The following IFT88 variants were observed in gnomAD, a reference collection of about 807,000 sequenced individuals.
IFT88 encodes the protein intraflagellar transport protein 88 homolog.
Under a neutral mutation model 119.5 loss-of-function variants are expected in IFT88, and 74 were observed. The ratio of observed to expected loss-of-function variants is 0.62; its 90% CI spans 0.51 to 0.75. The LOEUF (loss-of-function observed/expected upper bound fraction) is 0.75, where lower values mean the gene tolerates loss of function less well. Ranked by LOEUF, IFT88 falls within the 30% of genes least tolerant of loss-of-function variation. The probability of loss-of-function intolerance (pLI) is 0.00; values close to 1 mark genes in which losing one functional copy is unlikely to be tolerated. For missense variants in IFT88, 961 were observed against 977.7 expected (o/e 0.98, Z 0.23); for synonymous variants, 279 against 316.7 (o/e 0.88, Z 1.26).
intron 24 of IFT88, among the ~76,000 whole-genome samples, chr13:20,688,207 C>T (rs1471521672): frequency 1.3e-5 from 2 of 152,132 alleles, no homozygotes; most frequent in African/African-American, 4.8e-5. Context: ...ATTAGCCGGG[C>T]GTGGTAGCGC....
chr13:20,627,535 A>G (rs961775115), intron 15 of IFT88, among the ~76,000 whole-genome samples: 4 of 151,844 alleles, frequency 2.6e-5, no homozygotes, highest in Non-Finnish European at 4.4e-5. Flanking sequence ...TTTTGAGACC[A>G]GCCTAACCAA....
chr13:20,578,034 C>CTTTTTTTTTTTTTTTTTTTTTT (rs57202566), intron 2 of IFT88, among the ~76,000 whole-genome samples: 1 of 55,838 alleles, frequency 1.8e-5, no homozygotes, highest in African/African-American at 6.5e-5. Flanking sequence ...CTTGTTACTT[C>CTTTTTTTTTTTTTTTTTTTTTT]TTTTTTTTTT....
chr13:20,610,641 G>A (rs2044325609), intron 13 of IFT88, among the ~76,000 whole-genome samples: 3 of 149,544 alleles, frequency 2.0e-5, no homozygotes, highest in Admixed American at 6.7e-5. Context: ...TTTCCTTTAT[G>A]AATGTAGAAG....
intron 15 of IFT88, among the ~76,000 whole-genome samples, chr13:20,628,649 C>T (rs779216074): frequency 2.0e-5 from 3 of 152,048 alleles, no homozygotes; most frequent in Non-Finnish European, 2.9e-5. Context: ...AAAAAATACC[C>T]GAGTGTTCCT....
In IFT88 at chr13:20,691,320, T is replaced by G. The variant is rs1381067227; in HGVS notation, c.*145T>G. On this transcript the variant is annotated 3_prime_UTR_variant, in exon 26 of 26. Transcript: ENST00000351808. The stretch of plus-strand genomic sequence containing the variant: ...TGTATTCTATTCTGTATGTATGCAT[T>G]TAAGTTGTTTTTTTCTTTTAAGGAA... The G allele has an allele frequency of 1.5e-6, 1 of 685,340 alleles. No individual in the cohort carries two copies. The highest frequency in any genetic ancestry group is 1.8e-5 in the African/African-American group (1 of 54,950). 42.5% of individuals were successfully genotyped at this position (685,340 alleles called of 1,614,324 possible). A position where few individuals can be genotyped will look rare whatever the true frequency, so the allele number is the denominator to read the frequency against.
chr13:20,680,497 G>T (rs541669833), intron 24 of IFT88, among the ~76,000 whole-genome samples: 150 of 152,286 alleles, frequency 9.8e-4, no homozygotes, highest in African/African-American at 3.4e-3. Flanking sequence ...CAGTCACTGG[G>T]GGAATACTCA....
rs1435174536 is a variant in IFT88, at chr13:20,599,546, A to G, written c.793A>G (p.Ser265Gly). Residue 265 changes from serine to glycine, a missense_variant, in exon 11 of 26, where the codon AGT becomes GGT. By Grantham distance (56) the Ser-to-Gly change is moderately conservative (BLOSUM62 0). Coordinates refer to ENST00000351808, the MANE Select transcript of IFT88 (RefSeq NM_006531.5). ...FYRMALDQVP[S>G]VNKQMRIKIM... is the part of the protein sequence containing the mutation. ...CCGAATGGCATTAGACCAAGTTCCA[A>G]GTGTCAATAAGCAAATGAGGTAAGT... 6.7e-7 allele frequency: 1 copy of G among 1,488,764 alleles called. No individual in the cohort carries two copies. The highest frequency in any genetic ancestry group is 1.9e-5 in the Admixed American group (1 of 53,578). The allele number at this position is 1,488,764 out of a possible 1,614,324, so 92.2% of individuals were successfully genotyped here. A position where few individuals can be genotyped will look rare whatever the true frequency, so the allele number is the denominator to read the frequency against.
At chr13:20,607,752 C>G in intron 13 of IFT88, 1 of 752,090 alleles carries the variant, frequency 1.3e-6, no homozygotes, top group African/African-American at 1.7e-5. Flanking sequence ...GTAACTTTGC[C>G]TAGAATGTCA....
chr13:20,660,155 C>G (rs1255495028), intron 22 of IFT88, among the ~76,000 whole-genome samples: 1 of 152,108 alleles, frequency 6.6e-6, no homozygotes, highest in Non-Finnish European at 1.5e-5. Context: ...AGGTAAGGAG[C>G]TAGAGAATGT....
intron 18 of IFT88, chr13:20,642,944 T>C (rs1011874954): frequency 6.6e-6 from 1 of 151,116 alleles, no homozygotes; most frequent in Non-Finnish European, 1.5e-5. Flanking sequence ...TAAATAGTAA[T>C]TAATCAAAAA....
intron 1 of IFT88, 59 bp from the exon 2 acceptor site, chr13:20,574,321 A>G: frequency 2.2e-6 from 2 of 927,044 alleles, no homozygotes; most frequent in Non-Finnish European, 3.2e-6. Flanking sequence ...CATATCTCAA[A>G]AAATATATAT....
Position 20,643,409 on chromosome 13 carries a change from T to C in IFT88, c.1683-46T>C, listed in dbSNP as rs201831394. On this transcript the variant is annotated intron_variant, in intron 18 of 25. Transcript: ENST00000351808. ...AATGTTTTTTAAGTTTGCTTATTGC[T>C]TAATGAATTTAGAAAACATGTTTTC... The C allele has an allele frequency of 4.2e-5, 62 of 1,464,094 alleles. 1 individual carries two copies. In the East Asian group the frequency reaches 1.4e-3, roughly 32 times the overall value. The allele number at this position is 1,464,094 out of a possible 1,614,324, so 90.7% of individuals were successfully genotyped here.
intron 24 of IFT88, among the ~76,000 whole-genome samples, chr13:20,671,711 G>C (rs1193857611): frequency 2.0e-5 from 3 of 152,120 alleles, no homozygotes; most frequent in African/African-American, 7.2e-5. Context: ...GTTAAACTTA[G>C]TACAAATTTG....
At chr13:20,642,065 A>G (rs2050039478) in intron 18 of IFT88, 1 of 152,186 alleles carries the variant, frequency 6.6e-6, no homozygotes, top group Non-Finnish European at 1.5e-5. Flanking sequence ...AAAAGCAGAA[A>G]TGTGTTAATG....
At chr13:20,583,790 G>A (rs922648778) in intron 3 of IFT88, among the ~76,000 whole-genome samples, 1 of 151,978 alleles carries the variant, frequency 6.6e-6, no homozygotes, top group South Asian at 2.1e-4. Context: ...AATCCATTTT[G>A]TGTTCATTTT....
At position 20,643,575 on chromosome 13, in the gene IFT88, T is replaced by C; in HGVS notation, c.1803T>C (p.Asp601=). 6.2e-7 allele frequency: 1 copy of C among 1,608,424 alleles called. No individual in the cohort carries two copies. Among genetic ancestry groups the C allele is most frequent in the Non-Finnish European group, 8.5e-7 (1 of 1,176,254 alleles). The part of the protein sequence containing the change: ...KLGELYDREG[D]KSQAFQYYYE... ...GAGAATTATATGATCGTGAAGGAGA[T>C]AAATCTCAAGCATTTCAATATTACT... is the stretch of plus-strand genomic sequence containing the variant. The change falls in exon 19 of 26, where the codon GAT becomes GAC. Residue 601 remains aspartate, a synonymous_variant. Transcript: ENST00000351808.
At chr13:20,637,516 A>T (rs969262718) in intron 16 of IFT88, among the ~76,000 whole-genome samples, 1 of 152,170 alleles carries the variant, frequency 6.6e-6, no homozygotes, top group Non-Finnish European at 1.5e-5. Flanking sequence ...TGGGAAGCAG[A>T]TGCCTCTGTG....
At position 20,597,724 on chromosome 13, in the gene IFT88, C is replaced by T. The variant is rs536907270; in HGVS notation, c.594+605C>T. ...TTGCCACCACACTCCAGAGCCTGGG[C>T]GACAGAGCGAGACTCCGTCTCAAAA... On this transcript the variant is annotated intron_variant, in intron 9 of 25. Transcript: ENST00000351808. Among the ~76,000 whole-genome samples the T allele has an allele frequency of 1.3e-3, 192 of 148,758 alleles. 1 individual carries two copies. The highest frequency in any genetic ancestry group is 1.9e-3 in the Non-Finnish European group (130 of 67,334).
At chr13:20,674,724 A>ATATT (rs1263602871) in intron 24 of IFT88, among the ~76,000 whole-genome samples, 5 of 73,812 alleles carry the variant, frequency 6.8e-5, no homozygotes, top group East Asian at 9.2e-4. Flanking sequence ...ATATATATAT[A>ATATT]TTTTTTTTTT....
Sources: gnomAD v4.1 joint callset for allele counts (sites outside exome capture counted in the v4.1 genomes callset) on GRCh38, gnomAD v4.1.1 for gene constraint, MANE v1.5 for transcripts, NCBI Gene and HGNC (gene_info 2026-07-23, HGNC 2026-07-21) for gene names.